The following SOCS2 variants were observed in gnomAD, a reference collection of about 807,000 sequenced individuals.
The protein encoded by SOCS2 is suppressor of cytokine signaling 2.
A neutral mutation model predicts 18.6 loss-of-function variants in SOCS2; 10 were observed. The ratio of observed to expected loss-of-function variants is 0.54; its 90% CI spans 0.33 to 0.91. The LOEUF is 0.91. SOCS2 is among the 40% of genes least tolerant of loss of function. The pLI, the probability that SOCS2 is intolerant of heterozygous loss-of-function variation, is 0.02. For missense variants in SOCS2, 231 were observed against 247.2 expected (o/e 0.93, Z 0.44); for synonymous variants, 104 against 104.0 (o/e 1.00, Z 0.00).
chr12:93,573,976 A>C (rs1954365334), intron 1 of SOCS2: 1 of 152,230 alleles, frequency 6.6e-6, no homozygotes, highest in Non-Finnish European at 1.5e-5. Flanking sequence ...AATGCAGGGG[A>C]GATGGATGGT....
Position 93,575,092 on chromosome 12 carries a change from C to T in SOCS2, c.510C>T (p.Thr170=), listed in dbSNP as rs752920973. 3.1e-6 allele frequency: 5 copies of T among 1,612,816 alleles called. No individual in the cohort carries two copies. The South Asian group carries it at 4.4e-5, about 14-fold the overall frequency. ...CTCTGCAGCATCTCTGTAGGCTCAC[C>T]ATTAACAAATGTACCGGTGCCATCT... ...APSLQHLCRL[T]INKCTGAIWG... The change falls in exon 2 of 2, where the codon ACC becomes ACT. Residue 170 remains threonine (T), a synonymous_variant. Transcript: ENST00000551556.
chr12:93,573,456 A>G, intron 1 of SOCS2: 2 of 355,560 alleles, frequency 5.6e-6, no homozygotes, highest in Non-Finnish European at 5.0e-6. Context: ...CTGCGGCTGC[A>G]GCCCAGGATC....
intron 1 of SOCS2, 194 bp downstream of exon 1, chr12:93,573,230 A>G (rs1954326292): frequency 2.9e-6 from 2 of 689,568 alleles, no homozygotes; most frequent in Admixed American, 3.0e-5. Flanking sequence ...CCAGGGACTC[A>G]GGCCTGGCGG....
rs747106539 is a variant in SOCS2 at position 93,573,019 on chromosome 12, G to C, written c.122G>C (p.Arg41Pro). Residue 41 changes from arginine to proline, a missense_variant, in exon 1 of 2, where the codon CGG becomes CCG. Physicochemically the swap from Arg to Pro is moderately radical, Grantham distance 103. Coordinates refer to ENST00000551556, the MANE Select transcript of SOCS2 (RefSeq NM_001270471.2). ...PQAARLAKALRELGQTGWYWG... is the reference protein window; with the variant it reads ...PQAARLAKALPELGQTGWYWG... ...GCGGCGCGTCTGGCGAAGGCCCTGCGGGAGCTCGGTCAGACAGGTAGGGAG... is the reference window on the plus strand; with the variant it reads ...GCGGCGCGTCTGGCGAAGGCCCTGCCGGAGCTCGGTCAGACAGGTAGGGAG... 6.4e-7 allele frequency: 1 copy of C among 1,567,044 alleles called. No individual in the cohort carries two copies. Among genetic ancestry groups the C allele is most frequent in the South Asian group, 1.2e-5 (1 of 85,844 alleles).
the SOCS2 span, among the ~76,000 whole-genome samples, chr12:93,602,046 A>G: frequency 6.6e-6 from 1 of 152,330 alleles, no homozygotes; most frequent in African/African-American, 2.4e-5. Context: ...AGATTGCAAG[A>G]TGGGGCCAAG....
intron 1 of SOCS2, 197 bp from the exon 2 acceptor site, chr12:93,574,524 TA>T: frequency 2.2e-6 from 1 of 446,548 alleles, no homozygotes. Context: ...TTTGTGTTCA[TA>T]AAATGGACCC....
Position 93,574,909 on chromosome 12 carries a change from C to T in SOCS2, c.327C>T (p.Ile109=), listed in dbSNP as rs745672345. ...YQDGKFRLDS[I]ICVKSKLKQF... ...ACGGAAAATTCAGATTGGACTCTAT[C>T]ATATGTGTCAAATCCAAGCTTAAAC... The change falls in exon 2 of 2, where the codon ATC becomes ATT. Residue 109 remains isoleucine (I), a synonymous_variant. Coordinates refer to ENST00000551556, the MANE Select transcript of SOCS2 (RefSeq NM_001270471.2). The T allele has an allele frequency of 1.9e-6, 3 of 1,614,198 alleles. No individual in the cohort carries two copies. The highest frequency in any genetic ancestry group is 8.5e-7 in the Non-Finnish European group (1 of 1,180,036).
downstream of SOCS2, among the ~76,000 whole-genome samples, chr12:93,588,002 C>T (rs185102903): frequency 1.6e-4 from 25 of 152,282 alleles, no homozygotes; most frequent in African/African-American, 5.5e-4. Context: ...TCTGGAGGGA[C>T]GTGACCTGAG....
the SOCS2 span, among the ~76,000 whole-genome samples, chr12:93,614,564 T>TTTCTTTCTTTCTTTCTTTCTTTCTTTCC: frequency 1.8e-5 from 1 of 55,532 alleles, no homozygotes; most frequent in African/African-American, 1.1e-4. Context: ...TCTTTCTTTC[T>TTTCTTTCTTTCTTTCTTTCTTTCTTTCC]TTCTTTCTTT....
the SOCS2 span, among the ~76,000 whole-genome samples, chr12:93,624,868 C>A: frequency 2.8e-4 from 43 of 152,184 alleles, no homozygotes; most frequent in African/African-American, 9.9e-4. Context: ...CAAGACCTAA[C>A]AAGAGGTTTC....
the SOCS2 span, among the ~76,000 whole-genome samples, chr12:93,614,620 T>C: frequency 5.0e-5 from 6 of 120,260 alleles, no homozygotes; most frequent in South Asian, 5.1e-4. Flanking sequence ...TCTTTCTTTC[T>C]TTCTTTCTTT....
At chr12:93,620,716 G>A in the SOCS2 span, among the ~76,000 whole-genome samples, 1 of 152,160 alleles carries the variant, frequency 6.6e-6, no homozygotes, top group Non-Finnish European at 1.5e-5. Flanking sequence ...GCCTGGCCTG[G>A]AGCGACATTT....
chr12:93,603,253 A>G, the SOCS2 span, among the ~76,000 whole-genome samples: 1 of 152,116 alleles, frequency 6.6e-6, no homozygotes, highest in East Asian at 1.9e-4. Flanking sequence ...AACCACTAAC[A>G]CTTACCTGGG....
chr12:93,619,360 G>C, the SOCS2 span, among the ~76,000 whole-genome samples: 3 of 152,116 alleles, frequency 2.0e-5, no homozygotes, highest in African/African-American at 7.2e-5. Flanking sequence ...CCAGAACAGG[G>C]CAGGAAGGGT....
At chr12:93,616,238 C>G in the SOCS2 span, among the ~76,000 whole-genome samples, 1 of 152,138 alleles carries the variant, frequency 6.6e-6, no homozygotes, top group Non-Finnish European at 1.5e-5. Context: ...TTTATGTGCT[C>G]CATTGGGGTT....
the SOCS2 span, among the ~76,000 whole-genome samples, chr12:93,597,077 T>C: frequency 5.3e-5 from 8 of 152,224 alleles, no homozygotes; most frequent in Admixed American, 1.3e-4. Flanking sequence ...TGTCACCCAG[T>C]TTCCCCCCAG....
the SOCS2 span, among the ~76,000 whole-genome samples, chr12:93,624,808 T>C: frequency 2.0e-5 from 3 of 152,324 alleles, no homozygotes; most frequent in African/African-American, 7.2e-5. Flanking sequence ...AGTATGCCAC[T>C]GTGTGGGCAA....
the SOCS2 span, among the ~76,000 whole-genome samples, chr12:93,596,699 G>A: frequency 1.3e-5 from 2 of 152,154 alleles, no homozygotes; most frequent in African/African-American, 4.8e-5. Flanking sequence ...GTGTTGGCCT[G>A]CGCCTGTAAT....
the SOCS2 span, among the ~76,000 whole-genome samples, chr12:93,610,871 A>C: frequency 6.6e-6 from 1 of 152,188 alleles, no homozygotes; most frequent in African/African-American, 2.4e-5. Context: ...TGTTGTTTCT[A>C]AGTCACCCAG....
Sources: allele counts gnomAD v4.1 joint callset (sites outside exome capture counted in the v4.1 genomes callset), GRCh38; gene constraint gnomAD v4.1.1; transcripts MANE v1.5; gene names NCBI Gene and HGNC (gene_info 2026-07-23, HGNC 2026-07-21).